Variants in NSUN2 observed in about 807,000 individuals in gnomAD.
NSUN2 encodes NOP2/Sun RNA methyltransferase 2.
Under a neutral mutation model 92.7 loss-of-function variants are expected in NSUN2, and 63 were observed. The observed-to-expected ratio is 0.68, with a 90% CI of 0.56 to 0.84. The LOEUF is 0.84. Ranked by LOEUF, NSUN2 falls within the 40% of genes least tolerant of loss-of-function variation. The pLI is 0.00. For missense variants in NSUN2, 989 were observed against 964.9 expected (o/e 1.02, Z -0.33); for synonymous variants, 356 against 348.3 (o/e 1.02, Z -0.25).
intron 3 of NSUN2, among the ~76,000 whole-genome samples, chr5:6,627,091 G>T (rs1737684162): frequency 6.6e-6 from 1 of 152,102 alleles, no homozygotes; most frequent in Non-Finnish European, 1.5e-5. Flanking sequence ...ACCCTCCAAA[G>T]GTCCCCAGCG....
rs1195449976 is a variant in NSUN2, at chr5:6,616,745, A to C, written c.1003T>G (p.Leu335Val). Residue 335 changes from leucine (L) to valine (V), a missense_variant, in exon 9 of 19, where the codon TTA becomes GTA. Leu to Val is a conservative substitution (Grantham distance 32). Transcript: ENST00000264670. The part of the protein sequence containing the change: ...PIEDEAVIAS[L>V]LEKSEGALEL... ...TGCTTACCTTCACTTTTTTCCAGTA[A>C]AGATGCTATGACTGCTTCATCCTCA... 7 of 1,468,970 alleles carry C rather than the reference A, an allele frequency of 4.8e-6. No individual in the cohort carries two copies. The highest frequency in any genetic ancestry group is 6.3e-6 in the Non-Finnish European group (7 of 1,107,534). The allele number at this position is 1,468,970 out of a possible 1,614,324, so 91.0% of individuals were successfully genotyped here. A position where few individuals can be genotyped will look rare whatever the true frequency, so the allele number is the denominator to read the frequency against.
chr5:6,605,539 G>A, intron 14 of NSUN2, 131 bp from the exon 15 acceptor site: 1 of 841,212 alleles, frequency 1.2e-6, no homozygotes, highest in Non-Finnish European at 1.9e-6. Flanking sequence ...ACTGGGCTCT[G>A]CTCTGGACTC....
At chr5:6,617,833 G>C in intron 8 of NSUN2, 117 bp downstream of exon 8, 1 of 696,698 alleles carries the variant, frequency 1.4e-6, no homozygotes, top group African/African-American at 1.8e-5. Context: ...GGTGGCCATT[G>C]ACCATCCTCT....
intron 13 of NSUN2, 39 bp from the exon 14 acceptor site, chr5:6,606,951 T>C: frequency 1.6e-6 from 2 of 1,246,260 alleles, no homozygotes; most frequent in Non-Finnish European, 2.3e-6. Flanking sequence ...CAATCTGTAA[T>C]GTGTGGTAAC....
chr5:6,603,110 G>A (rs145859367), intron 17 of NSUN2, among the ~76,000 whole-genome samples: 4 of 152,246 alleles, frequency 2.6e-5, no homozygotes, highest in African/African-American at 7.2e-5. Context: ...TGATCAAATT[G>A]AGCCAAAAAT....
intron 15 of NSUN2, 74 bp from the exon 16 acceptor site, chr5:6,604,759 A>G: frequency 8.1e-7 from 1 of 1,239,516 alleles, no homozygotes; most frequent in Non-Finnish European, 1.2e-6. Flanking sequence ...GCCGGGCCAC[A>G]TGGAGCAACC....
At chr5:6,616,544 T>C (rs1737218238) in intron 9 of NSUN2, among the ~76,000 whole-genome samples, 183 bp downstream of exon 9, 2 of 152,248 alleles carry the variant, frequency 1.3e-5, no homozygotes, top group South Asian at 2.1e-4. Context: ...AGTTTCAGTT[T>C]TGCAAGGTGA....
Position 6,616,790 on chromosome 5 carries a change from T to A in NSUN2, c.958A>T (p.Thr320Ser). The A allele has an allele frequency of 6.3e-7, 1 of 1,597,610 alleles. No homozygotes were observed. The highest frequency in any genetic ancestry group is 8.5e-7 in the Non-Finnish European group (1 of 1,173,260). Residue 320 changes from threonine to serine, a missense_variant, in exon 9 of 19, where the codon ACG becomes TCG. Physicochemically the swap from Thr to Ser is moderately conservative, Grantham distance 58. This residue lies in a region of NSUN2 where 626 missense variants were observed against 602.3 expected (regional missense o/e 1.04). Coordinates refer to ENST00000264670, the MANE Select transcript of NSUN2 (RefSeq NM_017755.6). The stretch of plus-strand genomic sequence containing the variant: ...TCCTCAATAGGGTTTAGTGAACACG[T>A]GGAATACACCATCCTTCCACCTTCA... ...LAEGGRMVYSTCSLNPIEDEA... is the reference protein window; with the variant it reads ...LAEGGRMVYSSCSLNPIEDEA...
Position 6,620,155 on chromosome 5 carries a change from T to C in NSUN2, c.766A>G (p.Arg256Gly). 4 of 1,610,868 alleles carry C rather than the reference T, an allele frequency of 2.5e-6. No individual in the cohort carries two copies. Among genetic ancestry groups the C allele is most frequent in the Non-Finnish European group, 3.4e-6 (4 of 1,178,794 alleles). Residue 256 changes from arginine to glycine, a missense_variant, in exon 7 of 19, where the codon AGG becomes GGG. Around this residue, in one of 3 missense-constraint regions of NSUN2, gnomAD observed 356 missense variants for 338.6 expected, o/e 1.05. Transcript: ENST00000264670. The stretch of plus-strand genomic sequence containing the variant: ...CGATCATAGAAGAGGATCTCTTTCC[T>C]GCCGTCCACATCTATCTGGAGCCTG... Reference protein sequence around the residue: ...IPRLQIDVDGRKEILFYDRIL... With the variant: ...IPRLQIDVDGGKEILFYDRIL...
chr5:6,625,102 GA>G (rs57398741), intron 4 of NSUN2, among the ~76,000 whole-genome samples: 34 of 132,054 alleles, frequency 2.6e-4, no homozygotes, highest in African/African-American at 3.9e-4. Flanking sequence ...TGTGTGGTAA[GA>G]AAAAAAAAAA....
At chr5:6,623,719 A>G (rs1248436049) in intron 4 of NSUN2, among the ~76,000 whole-genome samples, 2 of 152,222 alleles carry the variant, frequency 1.3e-5, no homozygotes, top group African/African-American at 2.4e-5. Context: ...TTAGTCCTCC[A>G]CTATTTTCAG....
At chr5:6,613,297 G>C (rs1220711145) in intron 9 of NSUN2, among the ~76,000 whole-genome samples, 1 of 152,232 alleles carries the variant, frequency 6.6e-6, no homozygotes, top group African/African-American at 2.4e-5. Flanking sequence ...ACACAGTGAA[G>C]ACTAGAGGAA....
chr5:6,622,105 T>TAACA lies in NSUN2; in HGVS notation c.538-9_538-6dup. 3.7e-6 allele frequency: 6 copies of TAACA among 1,606,514 alleles called. No homozygotes were observed. The highest frequency in any genetic ancestry group is 5.1e-6 in the Non-Finnish European group (6 of 1,175,196). On this transcript the variant is annotated splice_polypyrimidine_tract_variant and splice_region_variant and intron_variant, in intron 5 of 18. Transcript: ENST00000264670. Reference sequence around the variant, plus strand: ...TGCTGCACACATATCTAAGATCTATTAACAAAGCAAGAAACTGTTTCATGT... The same window carrying TAACA: ...TGCTGCACACATATCTAAGATCTATTAACAAACAAAGCAAGAAACTGTTTCATGT...
intron 18 of NSUN2, among the ~76,000 whole-genome samples, chr5:6,601,480 C>T (rs1373898043): frequency 1.3e-5 from 2 of 152,052 alleles, no homozygotes; most frequent in Non-Finnish European, 2.9e-5. Context: ...TCTGTTGTTC[C>T]CTCACCAAGT....
chr5:6,610,799 G>A (rs142468912), intron 11 of NSUN2, among the ~76,000 whole-genome samples, 156 bp downstream of exon 11: 11 of 152,220 alleles, frequency 7.2e-5, no homozygotes, highest in Non-Finnish European at 1.5e-4. Context: ...CATACTGGCT[G>A]GGAAGTTCAC....
chr5:6,631,377 C>T (rs116474185), intron 3 of NSUN2, among the ~76,000 whole-genome samples: 3 of 152,270 alleles, frequency 2.0e-5, no homozygotes, highest in African/African-American at 7.2e-5. Flanking sequence ...AGTAGTAGCA[C>T]GCTTGGGTGC....
chr5:6,620,093 A>G lies in NSUN2; in HGVS notation c.815+13T>C. Reference sequence around the variant, plus strand: ...TTAGTGGATTTGGGCTTTTTGGCCAATAAGATAAATACCTGCAAGGGACAT... The same window carrying G: ...TTAGTGGATTTGGGCTTTTTGGCCAGTAAGATAAATACCTGCAAGGGACAT... On this transcript the variant is annotated intron_variant, in intron 7 of 18. Transcript: ENST00000264670. 2 of 1,540,192 alleles carry G rather than the reference A, an allele frequency of 1.3e-6. No individual in the cohort carries two copies. The highest frequency in any genetic ancestry group is 8.7e-7 in the Non-Finnish European group (1 of 1,143,832).
chr5:6,624,412 G>A (rs193010844), intron 4 of NSUN2, among the ~76,000 whole-genome samples: 4 of 152,094 alleles, frequency 2.6e-5, no homozygotes, highest in Non-Finnish European at 4.4e-5. Flanking sequence ...ACCTATACTA[G>A]TTCCCTACAA....
At chr5:6,620,610 TGAG>T (rs931362672) in intron 6 of NSUN2, 81 of 210,184 alleles carry the variant, frequency 3.9e-4, no homozygotes, top group African/African-American at 1.9e-3. Flanking sequence ...AAAAAAAAGA[TGAG>T]GAGAAAGGTG....
Sources: allele counts gnomAD v4.1 joint callset (sites outside exome capture counted in the v4.1 genomes callset), GRCh38; gene constraint gnomAD v4.1.1; regional missense constraint gnomAD v4.1.1; transcripts MANE v1.5; gene names NCBI Gene and HGNC (gene_info 2026-07-23, HGNC 2026-07-21).